SULF1: variants seen among roughly 807,000 people sequenced by gnomAD.
SULF1 encodes extracellular sulfatase Sulf-1.
Under a neutral mutation model 110.5 loss-of-function variants are expected in SULF1, and 46 were observed. That is an observed-to-expected ratio of 0.42 (90% CI 0.33 to 0.53). The LOEUF is 0.53. SULF1 is among the 20% of genes least tolerant of loss of function. The pLI is 0.12. For missense variants in SULF1, 941 were observed against 1,094.2 expected, an observed-to-expected ratio of 0.86 and a Z score of 1.98; for synonymous variants, 371 against 387.1, an observed-to-expected ratio of 0.96 and a Z score of 0.49.
intron 3 of SULF1, among the ~76,000 whole-genome samples, chr8:69,517,108 G>C (rs1811978506): frequency 6.6e-6 from 1 of 152,184 alleles, no homozygotes; most frequent in Non-Finnish European, 1.5e-5. Flanking sequence ...AGAGCATGGT[G>C]CCAGCATCTG....
Position 69,588,990 on chromosome 8 carries a change from A to C in SULF1, c.583A>C (p.Ile195Leu). 12 of 1,613,748 alleles carry C rather than the reference A, an allele frequency of 7.4e-6. No individual in the cohort carries two copies. Among genetic ancestry groups the C allele is most frequent in the Non-Finnish European group, 1.0e-5 (12 of 1,179,706 alleles). ...DYAKDYFTDL[I>L]TNESINYFKM... ...GTTTCAGGACTACTTCACAGACTTA[A>C]TCACTAACGAGAGCATTAATTACTT... is the stretch of plus-strand genomic sequence containing the variant. Residue 195 changes from isoleucine (I) to leucine (L), a missense_variant, in exon 8 of 23, where the codon ATC becomes CTC. This residue lies in a region of SULF1 where 822 missense variants were observed against 934.3 expected (regional missense o/e 0.88). Coordinates refer to ENST00000402687, the MANE Select transcript of SULF1 (RefSeq NM_001128205.2).
At chr8:69,536,823 T>A (rs907245632) in intron 3 of SULF1, among the ~76,000 whole-genome samples, 1 of 152,296 alleles carries the variant, frequency 6.6e-6, no homozygotes, top group African/African-American at 2.4e-5. Flanking sequence ...GAGTGGTAAC[T>A]GCCAGGAAGT....
At chr8:69,559,274 A>G (rs1328189560) in intron 3 of SULF1, among the ~76,000 whole-genome samples, 2 of 152,248 alleles carry the variant, frequency 1.3e-5, no homozygotes, top group Non-Finnish European at 2.9e-5. Context: ...CTGTTACAAT[A>G]GAATCCATTG....
At chr8:69,571,287 A>T (rs1217280880) in intron 5 of SULF1, among the ~76,000 whole-genome samples, 1 of 152,208 alleles carries the variant, frequency 6.6e-6, no homozygotes, top group Non-Finnish European at 1.5e-5. Flanking sequence ...CACTCCTTAC[A>T]GGAAGTACTT....
At chr8:69,514,109 T>G (rs1317067424) in intron 3 of SULF1, among the ~76,000 whole-genome samples, 1 of 152,164 alleles carries the variant, frequency 6.6e-6, no homozygotes, top group Non-Finnish European at 1.5e-5. Flanking sequence ...AACTCTAAGA[T>G]TATGCTTTTA....
intron 19 of SULF1, among the ~76,000 whole-genome samples, chr8:69,634,922 C>T (rs1273406399): frequency 6.6e-6 from 1 of 152,106 alleles, no homozygotes; most frequent in African/African-American, 2.4e-5. Context: ...ATTCTCCTGC[C>T]TCAGCTGGGA....
rs150686970 is a variant in SULF1, at chr8:69,618,852, A to G, written c.1378-2183A>G. On this transcript the variant is annotated intron_variant, in intron 13 of 22. Transcript: ENST00000402687. ...CATACAACTCCCTTAAGAGAAAGCA[A>G]ACCATGGCTCTGCATCTTGGTTCAT... Among the ~76,000 whole-genome samples, 880 of 152,326 alleles carry G rather than the reference A, an allele frequency of 5.8e-3. 6 individuals carry two copies. Among genetic ancestry groups the G allele is most frequent in the South Asian group, 0.015 (72 of 4,832 alleles).
chr8:69,575,740 T>G (rs978287985), intron 5 of SULF1, among the ~76,000 whole-genome samples: 1 of 152,132 alleles, frequency 6.6e-6, no homozygotes, highest in Non-Finnish European at 1.5e-5. Context: ...TTTTTCTTCG[T>G]GATTACAGGG....
chr8:69,513,381 G>C (rs1054830586), intron 3 of SULF1, among the ~76,000 whole-genome samples: 2 of 152,204 alleles, frequency 1.3e-5, no homozygotes, highest in African/African-American at 4.8e-5. Flanking sequence ...AGAGAGTTTA[G>C]TGAGAAATAC....
rs558194944 is a variant in SULF1 at position 69,651,295 on chromosome 8, C to T, written c.2586-7210C>T. On this transcript the variant is annotated intron_variant, in intron 22 of 22. Transcript: ENST00000402687. ...CTTGAACTCCTGACCTCAGGTGATC[C>T]GCCCACCTCAGCCTTCCAGAGTGCT... Among the ~76,000 whole-genome samples, 26 of 152,120 alleles carry T rather than the reference C, an allele frequency of 1.7e-4. 1 individual carries two copies. The South Asian group carries it at 4.8e-3, about 28-fold the overall frequency.
Position 69,584,188 on chromosome 8 carries a change from G to A in SULF1, c.413-2169G>A, listed in dbSNP as rs1242994387. 2.6e-5 allele frequency among the ~76,000 whole-genome samples: 4 copies of A among 152,194 alleles called. No individual in the cohort carries two copies. In the East Asian group the frequency reaches 7.7e-4, roughly 29 times the overall value. ...AAGATTAACCAGTGGCAATCGAAGT[G>A]GAAAGACCCTCCATCCTGGCTGGGA... On this transcript the variant is annotated intron_variant, in intron 6 of 22. Transcript: ENST00000402687.
chr8:69,492,627 AGTTT>A, upstream of SULF1: 1 of 152,156 alleles, frequency 6.6e-6, no homozygotes. Flanking sequence ...GCTGCAGCGC[AGTTT>A]GTTTGCCGAG....
At chr8:69,535,393 G>C (rs556736659) in intron 3 of SULF1, among the ~76,000 whole-genome samples, 61 of 152,140 alleles carry the variant, frequency 4.0e-4, no homozygotes, top group Non-Finnish European at 7.2e-4. Flanking sequence ...AATCACTCTT[G>C]CTGAAGGGAA....
intron 6 of SULF1, among the ~76,000 whole-genome samples, chr8:69,579,564 C>CAAAAAAAA (rs1416643898): frequency 2.9e-5 from 3 of 105,058 alleles, no homozygotes; most frequent in African/African-American, 3.6e-5. Context: ...CACACACACA[C>CAAAAAAAA]AAAAAAAAAA....
intron 6 of SULF1, among the ~76,000 whole-genome samples, chr8:69,577,894 T>G (rs1219993263): frequency 6.6e-6 from 1 of 152,224 alleles, no homozygotes; most frequent in Non-Finnish European, 1.5e-5. Flanking sequence ...ATTTATGTAA[T>G]GATTCTCTTC....
intron 22 of SULF1, among the ~76,000 whole-genome samples, chr8:69,647,711 G>A (rs1267407998): frequency 1.3e-5 from 2 of 152,004 alleles, no homozygotes; most frequent in Non-Finnish European, 2.9e-5. Context: ...TGACCAACAT[G>A]GAGAAACCCT....
intron 13 of SULF1, among the ~76,000 whole-genome samples, chr8:69,611,999 T>C (rs992268492): frequency 3.3e-5 from 5 of 152,110 alleles, no homozygotes; most frequent in African/African-American, 1.2e-4. Flanking sequence ...CCTCACCTGC[T>C]TCCCAACCTT....
chr8:69,621,949 C>T (rs1490122953), intron 14 of SULF1, among the ~76,000 whole-genome samples: 1 of 152,118 alleles, frequency 6.6e-6, no homozygotes. Flanking sequence ...TGATTTCTTT[C>T]TATACTGGTT....
chr8:69,536,017 C>CA lies in SULF1; in HGVS notation c.-133-27511dup, dbSNP rs796201003. Among the ~76,000 whole-genome samples the CA allele has an allele frequency of 8.2e-3, 1,136 of 139,192 alleles. 8 individuals carry two copies. The highest frequency in any genetic ancestry group is 0.028 in the African/African-American group (1,068 of 37,982). The allele number at this position is 139,192 out of a possible 152,430, so 91.3% of individuals were successfully genotyped here. The stretch of plus-strand genomic sequence containing the variant: ...CCAGCAAAAATACGAGACTCCGACT[C>CA]AAAAAAAAAAAGCCATAAAATCCCT... On this transcript the variant is annotated intron_variant, in intron 3 of 22. Coordinates refer to ENST00000402687, the MANE Select transcript of SULF1 (RefSeq NM_001128205.2).
Sources: gnomAD v4.1 joint callset for allele counts (sites outside exome capture counted in the v4.1 genomes callset) on GRCh38, gnomAD v4.1.1 for gene constraint, gnomAD v4.1.1 regional missense constraint, MANE v1.5 for transcripts, NCBI Gene and HGNC (gene_info 2026-07-23, HGNC 2026-07-21) for gene names.